USP34: variants seen among roughly 807,000 people sequenced by gnomAD.
USP34 encodes the protein ubiquitin specific peptidase 34, also known as ubiquitin carboxyl-terminal hydrolase 34.
Under a neutral mutation model 460.3 loss-of-function variants are expected in USP34, and 70 were observed. That is an observed-to-expected ratio of 0.15 (90% CI 0.13 to 0.19). The LOEUF (loss-of-function observed/expected upper bound fraction) is 0.19. Ranked by LOEUF, USP34 falls within the 10% of genes least tolerant of loss-of-function variation. The pLI, the probability that USP34 is intolerant of heterozygous loss-of-function variation, is 1.00. For missense variants in USP34, 3,985 were observed against 4,236.2 expected (o/e 0.94, Z 1.65); for synonymous variants, 1,647 against 1,405.3 (o/e 1.17, Z -3.85).
At chr2:61,429,798 C>T (rs1311057684) in intron 1 of USP34, among the ~76,000 whole-genome samples, 2 of 152,064 alleles carry the variant, frequency 1.3e-5, no homozygotes, top group African/African-American at 4.8e-5. Context: ...ACAGTGGCTC[C>T]TGCCTATAAT....
chr2:61,294,606 G>C (rs1235547578), intron 32 of USP34, among the ~76,000 whole-genome samples: 2 of 151,976 alleles, frequency 1.3e-5, no homozygotes, highest in Non-Finnish European at 2.9e-5. Context: ...TTTTAGTAGA[G>C]ACACGGGTTT....
chr2:61,224,826 G>C (rs1687683038), intron 62 of USP34, among the ~76,000 whole-genome samples: 1 of 152,162 alleles, frequency 6.6e-6, no homozygotes, highest in Non-Finnish European at 1.5e-5. Flanking sequence ...TTCAATCTAT[G>C]ACCAGTAGAA....
At chr2:61,218,271 G>A (rs1217384087) in intron 67 of USP34, among the ~76,000 whole-genome samples, 1 of 141,946 alleles carries the variant, frequency 7.0e-6, no homozygotes, top group South Asian at 2.2e-4. Flanking sequence ...TTGGCTGTGT[G>A]CTCTTACAAA....
chr2:61,242,458 T>TACAC (rs67471702), intron 51 of USP34, among the ~76,000 whole-genome samples: 10,174 of 129,564 alleles, frequency 0.079, 433 homozygotes, highest in South Asian at 0.099. Context: ...AGATAATACA[T>TACAC]ACACACACAC....
chr2:61,290,544 A>C (rs1217179759), intron 33 of USP34, among the ~76,000 whole-genome samples: 2 of 152,174 alleles, frequency 1.3e-5, no homozygotes, highest in Non-Finnish European at 2.9e-5. Flanking sequence ...TGAATAAAAG[A>C]AGCCAGATAC....
intron 49 of USP34, 64 bp from the exon 50 acceptor site, chr2:61,246,541 TTTTTAAAA>T: frequency 9.0e-7 from 1 of 1,109,878 alleles, no homozygotes; most frequent in Non-Finnish European, 1.2e-6. Context: ...TTAGAAACAC[TTTTTAAAA>T]TAAACTTTAT....
intron 27 of USP34, among the ~76,000 whole-genome samples, chr2:61,308,543 AAATAC>A (rs1367192977): frequency 9.8e-5 from 15 of 152,292 alleles, no homozygotes; most frequent in East Asian, 9.6e-4. Context: ...GAAAATGATA[AAATAC>A]AATACAAGAA....
chr2:61,376,193 T>A, intron 8 of USP34, among the ~76,000 whole-genome samples: 1 of 152,206 alleles, frequency 6.6e-6, no homozygotes, highest in East Asian at 1.9e-4. Flanking sequence ...TTTTAAAAAG[T>A]GAATTTTATA....
intron 44 of USP34, among the ~76,000 whole-genome samples, chr2:61,257,589 G>T (rs1688753035): frequency 6.6e-6 from 1 of 152,094 alleles, no homozygotes; most frequent in Admixed American, 6.5e-5. Flanking sequence ...GAATTTCTAG[G>T]AAGAAATCTG....
chr2:61,228,912 A>G lies in USP34; in HGVS notation c.7283T>C (p.Met2428Thr). 1 of 1,610,432 alleles carries G rather than the reference A, an allele frequency of 6.2e-7. No homozygotes were observed. The highest frequency in any genetic ancestry group is 1.1e-5 in the South Asian group (1 of 90,538). ...ACTGTGAGGTTTTACACCATGTTCCATAATTAATAACAGGGTTCTCACAAA... is the reference window on the plus strand; with the variant it reads ...ACTGTGAGGTTTTACACCATGTTCCGTAATTAATAACAGGGTTCTCACAAA... The part of the protein sequence containing the change: ...TRFVRTLLLI[M>T]EHGVKPHSKH... The change falls in exon 60 of 80, where the codon ATG becomes ACG. Residue 2428 changes from methionine to threonine, a missense_variant. By Grantham distance (81) the Met-to-Thr change is moderately conservative. Coordinates refer to ENST00000398571, the MANE Select transcript of USP34 (RefSeq NM_014709.4).
At chr2:61,196,952 C>G (rs1474797675) in intron 75 of USP34, among the ~76,000 whole-genome samples, 1 of 152,084 alleles carries the variant, frequency 6.6e-6, no homozygotes, top group Non-Finnish European at 1.5e-5. Context: ...AAGTGGTATT[C>G]TGTTATAAGT....
chr2:61,233,748 T>C (rs1006937763), intron 57 of USP34, among the ~76,000 whole-genome samples: 2 of 151,816 alleles, frequency 1.3e-5, no homozygotes, highest in South Asian at 2.1e-4. Context: ...TGAGGCAGGA[T>C]TGCTCAAGCC....
chr2:61,284,054 A>G (rs1689615852), intron 35 of USP34, among the ~76,000 whole-genome samples: 1 of 152,184 alleles, frequency 6.6e-6, no homozygotes, highest in Admixed American at 6.5e-5. Flanking sequence ...TGTATGTTTC[A>G]AAATAAAAAA....
intron 69 of USP34, among the ~76,000 whole-genome samples, chr2:61,209,872 T>C (rs139739208): frequency 6.8e-4 from 104 of 152,304 alleles, no homozygotes; most frequent in East Asian, 1.3e-3. Context: ...GAGATACTGA[T>C]GATCCCAACC....
intron 2 of USP34, among the ~76,000 whole-genome samples, chr2:61,418,722 A>C (rs1355065050): frequency 6.6e-6 from 1 of 152,246 alleles, no homozygotes; most frequent in Non-Finnish European, 1.5e-5. Context: ...AGATGGAAAT[A>C]GACAAATTTT....
chr2:61,301,589 CAG>C (rs1690226442), intron 27 of USP34, 135 bp from the exon 28 acceptor site: 4 of 755,410 alleles, frequency 5.3e-6, no homozygotes, highest in Non-Finnish European at 8.4e-6. Context: ...ACAGAAAACT[CAG>C]TAGATTGAGG....
chr2:61,331,892 C>G (rs1284161037), intron 19 of USP34, among the ~76,000 whole-genome samples: 1 of 151,866 alleles, frequency 6.6e-6, no homozygotes, highest in Admixed American at 6.6e-5. Context: ...TCCCAGGGTC[C>G]ATAACTTCCA....
At chr2:61,234,719 C>G (rs1304267959) in intron 57 of USP34, among the ~76,000 whole-genome samples, 1 of 152,118 alleles carries the variant, frequency 6.6e-6, no homozygotes, top group Non-Finnish European at 1.5e-5. Context: ...CAGCTCACTG[C>G]TTCTCTGCCT....
intron 58 of USP34, among the ~76,000 whole-genome samples, chr2:61,230,392 G>A (rs1273134142): frequency 2.0e-5 from 3 of 152,146 alleles, no homozygotes; most frequent in African/African-American, 7.2e-5. Flanking sequence ...CGGGCGTGGT[G>A]GTGGGCACCT....
Sources: allele counts gnomAD v4.1 joint callset (sites outside exome capture counted in the v4.1 genomes callset), GRCh38; gene constraint gnomAD v4.1.1; transcripts MANE v1.5; gene names NCBI Gene and HGNC (gene_info 2026-07-23, HGNC 2026-07-21).